The following BIRC6 variants were observed in gnomAD, a reference collection of about 807,000 sequenced individuals.
BIRC6 encodes the protein baculoviral IAP repeat containing 6.
A neutral mutation model predicts 503.3 loss-of-function variants in BIRC6; 98 were observed. The ratio of observed to expected loss-of-function variants is 0.19; its 90% CI spans 0.17 to 0.23. BIRC6 has a LOEUF of 0.23. Ranked by LOEUF, BIRC6 falls within the 10% of genes least tolerant of loss-of-function variation. The probability of loss-of-function intolerance (pLI) is 1.00; values close to 1 mark genes in which losing one functional copy is unlikely to be tolerated. For synonymous variants in BIRC6, 2,240 were observed against 2,078.7 expected (o/e 1.08, Z -2.11); for missense variants, 5,360 against 5,806.0 (o/e 0.92, Z 2.50).
intron 10 of BIRC6, among the ~76,000 whole-genome samples, chr2:32,421,130 C>T (rs2042911116): frequency 7.3e-6 from 1 of 136,774 alleles, no homozygotes; most frequent in Non-Finnish European, 1.6e-5. Flanking sequence ...TTTTTTTTGA[C>T]ACAGAGTTTC....
chr2:32,401,143 C>T lies in BIRC6; in HGVS notation c.1035-20C>T. The T allele has an allele frequency of 6.3e-7, 1 of 1,594,776 alleles. No homozygotes were observed. Among genetic ancestry groups the T allele is most frequent in the Non-Finnish European group, 8.6e-7 (1 of 1,166,112 alleles). The stretch of plus-strand genomic sequence containing the variant: ...TTGCTTTATTTTTAGTAAACTTTTC[C>T]TTTCTAAATCTATGCAAAGGTCTGA... On this transcript the variant is annotated intron_variant, in intron 6 of 73. Transcript: ENST00000421745.
At position 32,545,750 on chromosome 2, in the gene BIRC6, C is replaced by A. The variant is rs1440183984; in HGVS notation, c.12700C>A (p.Leu4234Ile). ...TTTGACAACTGATGATGGTGTACTTCTAAGGCGGATGGCATTGGAAATTGG... is the reference window on the plus strand; with the variant it reads ...TTTGACAACTGATGATGGTGTACTTATAAGGCGGATGGCATTGGAAATTGG... Reference protein sequence around the residue: ...TPLTTDDGVLLRRMALEIGAL... With the variant: ...TPLTTDDGVLIRRMALEIGAL... The change falls in exon 63 of 74, where the codon CTA becomes ATA. Residue 4234 changes from leucine (L) to isoleucine (I), a missense_variant. By Grantham distance (5) the Leu-to-Ile change is conservative (BLOSUM62 2). Around this residue, in one of 16 missense-constraint regions of BIRC6, gnomAD observed 477 missense variants for 574.4 expected, o/e 0.83. Coordinates refer to ENST00000421745, the MANE Select transcript of BIRC6 (RefSeq NM_016252.4). 6.2e-7 allele frequency: 1 copy of A among 1,613,898 alleles called. No individual in the cohort carries two copies. The highest frequency in any genetic ancestry group is 8.5e-7 in the Non-Finnish European group (1 of 1,179,836).
intron 57 of BIRC6, among the ~76,000 whole-genome samples, chr2:32,521,383 A>AAAAAAAAAAAAAAG: frequency 6.8e-6 from 1 of 147,242 alleles, no homozygotes; most frequent in Non-Finnish European, 1.5e-5. Flanking sequence ...AAAAAAAAAA[A>AAAAAAAAAAAAAAG]AAAAAAAAAA....
At chr2:32,590,081 A>T (rs1378721280) in intron 66 of BIRC6, among the ~76,000 whole-genome samples, 1 of 152,210 alleles carries the variant, frequency 6.6e-6, no homozygotes, top group African/African-American at 2.4e-5. Context: ...TAGTACGGAG[A>T]TCTTCGCCCG....
intron 43 of BIRC6, 41 bp from the exon 44 acceptor site, chr2:32,491,384 A>T: frequency 6.5e-7 from 1 of 1,531,960 alleles, no homozygotes; most frequent in Non-Finnish European, 8.8e-7. Flanking sequence ...CCATTATTTC[A>T]TGGTCCATTT....
chr2:32,578,292 T>C (rs1254400461), intron 66 of BIRC6, among the ~76,000 whole-genome samples: 1 of 152,044 alleles, frequency 6.6e-6, no homozygotes, highest in East Asian at 1.9e-4. Flanking sequence ...TCCCTTACAG[T>C]GTATACCCAC....
intron 65 of BIRC6, chr2:32,563,660 T>G (rs1035071412): frequency 1.3e-5 from 2 of 152,236 alleles, no homozygotes; most frequent in African/African-American, 4.8e-5. Flanking sequence ...TAATGGTTGA[T>G]AATTCGGTAC....
At chr2:32,371,282 TAGAC>T (rs1305639114) in intron 1 of BIRC6, among the ~76,000 whole-genome samples, 2 of 151,626 alleles carry the variant, frequency 1.3e-5, no homozygotes, top group Non-Finnish European at 2.9e-5. Flanking sequence ...TATAGGATGT[TAGAC>T]AGACTAAGGA....
intron 66 of BIRC6, among the ~76,000 whole-genome samples, chr2:32,591,412 T>C (rs778250128): frequency 6.6e-6 from 1 of 152,220 alleles, no homozygotes; most frequent in Non-Finnish European, 1.5e-5. Context: ...ACTATTTTAA[T>C]AATCTCTTAC....
intron 66 of BIRC6, among the ~76,000 whole-genome samples, chr2:32,579,985 G>A (rs557108134): frequency 3.5e-5 from 5 of 142,332 alleles, no homozygotes; most frequent in African/African-American, 5.3e-5. Flanking sequence ...ACAGAGTCTC[G>A]CTCTCTCGGC....
At chr2:32,442,252 A>G (rs780049384) in intron 18 of BIRC6, 26 bp downstream of exon 18, 12 of 1,604,196 alleles carry the variant, frequency 7.5e-6, no homozygotes, top group African/African-American at 1.3e-5. Flanking sequence ...TTTGCTTACC[A>G]CTGTTGATTG....
At chr2:32,575,098 G>C in intron 65 of BIRC6, 58 bp from the exon 66 acceptor site, 1 of 1,558,860 alleles carries the variant, frequency 6.4e-7, no homozygotes. Flanking sequence ...CATTCCTGTG[G>C]ACCTACTTTT....
In BIRC6 at chr2:32,478,699, C is replaced by G; in HGVS notation, c.7133C>G (p.Pro2378Arg). Residue 2378 changes from proline to arginine, a missense_variant, in exon 36 of 74, where the codon CCC becomes CGC. Transcript: ENST00000421745. ...TIHLCEIVNE[P>R]QLERLLLLLV... ...CATCTGTGTGAGATTGTGAACGAAC[C>G]CCAGCTGGAAAGACTGCTGTTACTT... 3 of 1,613,892 alleles carry G rather than the reference C, an allele frequency of 1.9e-6. No homozygotes were observed. Among genetic ancestry groups the G allele is most frequent in the Non-Finnish European group, 2.5e-6 (3 of 1,179,856 alleles).
rs781613689 is a variant in BIRC6, at chr2:32,502,785, C to A, written c.9208-10C>A. On this transcript the variant is annotated splice_polypyrimidine_tract_variant and intron_variant, in intron 47 of 73. Transcript: ENST00000421745. Reference sequence around the variant, plus strand: ...ATATAAAGTCATAATATGCATATTTCATTTTTTAGGGCTCTCTTGCTACTT... The same window carrying A: ...ATATAAAGTCATAATATGCATATTTAATTTTTTAGGGCTCTCTTGCTACTT... 2 of 1,599,948 alleles carry A rather than the reference C, an allele frequency of 1.3e-6. No homozygotes were observed. The highest frequency in any genetic ancestry group is 2.2e-5 in the East Asian group (1 of 44,704).
intron 45 of BIRC6, among the ~76,000 whole-genome samples, chr2:32,495,824 C>G (rs1303365731): frequency 1.7e-4 from 11 of 65,140 alleles, no homozygotes; most frequent in Non-Finnish European, 3.0e-4. Flanking sequence ...CTGTGGATGT[C>G]CAACTGTTCC....
chr2:32,549,197 G>A, intron 64 of BIRC6, 116 bp from the exon 65 acceptor site: 1 of 645,972 alleles, frequency 1.5e-6, no homozygotes, highest in Non-Finnish European at 2.4e-6. Context: ...CATAGTATAA[G>A]ATACTGATTA....
In BIRC6 at chr2:32,357,103, G is replaced by C; in HGVS notation, c.-59G>C. 1 of 1,369,616 alleles carries C rather than the reference G, an allele frequency of 7.3e-7. No homozygotes were observed. Among genetic ancestry groups the C allele is most frequent in the East Asian group, 3.0e-5 (1 of 33,852 alleles). 84.8% of individuals were successfully genotyped at this position (1,369,616 alleles called of 1,614,324 possible). On this transcript the variant is annotated 5_prime_UTR_variant, in exon 1 of 74. Coordinates refer to ENST00000421745, the MANE Select transcript of BIRC6 (RefSeq NM_016252.4). This position sits in a 1 kb window ranked among gnomAD's most constrained non-coding sequence, Gnocchi z 4.9. ...CGGCCGGGCGATCGACGTTCCGCGT[G>C]CGTGCGGGCGCCTGACTTCACTTCC...
At chr2:32,466,404 G>A (rs2048547180) in intron 26 of BIRC6, among the ~76,000 whole-genome samples, 1 of 152,194 alleles carries the variant, frequency 6.6e-6, no homozygotes, top group Admixed American at 6.5e-5. Context: ...ACTGGGATAT[G>A]TCTATACTGG....
At chr2:32,383,543 A>G (rs1450981150) in intron 3 of BIRC6, among the ~76,000 whole-genome samples, 1 of 151,156 alleles carries the variant, frequency 6.6e-6, no homozygotes, top group Non-Finnish European at 1.5e-5. Context: ...TCTTTATTTT[A>G]TTTTATTTTT....
Sources: allele counts gnomAD v4.1 joint callset (sites outside exome capture counted in the v4.1 genomes callset), GRCh38; gene constraint gnomAD v4.1.1; regional missense constraint gnomAD v4.1.1; non-coding constraint Gnocchi (gnomAD v3.1); transcripts MANE v1.5; gene names NCBI Gene and HGNC (gene_info 2026-07-23, HGNC 2026-07-21).